Variants in CCDC85C observed in about 807,000 individuals in gnomAD.
CCDC85C encodes coiled-coil domain containing 85C, also known as coiled-coil domain-containing protein 85C.
A neutral mutation model predicts 38.3 loss-of-function variants in CCDC85C; 18 were observed. That is an observed-to-expected ratio of 0.47 (90% CI 0.33 to 0.70). The LOEUF (loss-of-function observed/expected upper bound fraction) is 0.70. Ranked by LOEUF, CCDC85C falls within the 30% of genes least tolerant of loss-of-function variation. The pLI is 0.03. For missense variants in CCDC85C, 566 were observed against 621.2 expected (o/e 0.91, Z 0.94); for synonymous variants, 264 against 293.8 (o/e 0.90, Z 1.04).
chr14:99,585,726 G>T (rs969109204), intron 1 of CCDC85C, among the ~76,000 whole-genome samples: 1 of 152,174 alleles, frequency 6.6e-6, no homozygotes, highest in South Asian at 2.1e-4. Flanking sequence ...CACGACTAGC[G>T]TTCAGATGCA....
chr14:99,534,519 A>G, intron 2 of CCDC85C: 1 of 640,838 alleles, frequency 1.6e-6, no homozygotes, highest in East Asian at 2.7e-5. Flanking sequence ...CCACCAGAGC[A>G]TGGTCCTGGC....
intron 3 of CCDC85C, among the ~76,000 whole-genome samples, chr14:99,517,695 G>A (rs1897248527): frequency 6.6e-6 from 1 of 152,178 alleles, no homozygotes; most frequent in Non-Finnish European, 1.5e-5. Flanking sequence ...CAGCCCTGCG[G>A]GATGAATTGG....
intron 1 of CCDC85C, among the ~76,000 whole-genome samples, chr14:99,589,912 C>T (rs1325365622): frequency 4.6e-5 from 7 of 152,238 alleles, no homozygotes; most frequent in African/African-American, 9.6e-5. Flanking sequence ...ACGCCCACGG[C>T]GCATTTGCTG....
Position 99,514,294 on chromosome 14 carries a change from A to G in CCDC85C, c.*952T>C, listed in dbSNP as rs1055554706. ...GCCAGACACGCTCCTTCCCAAAAAG[A>G]ACAGAACTCTCATCTGCAGCCTACA... is the stretch of plus-strand genomic sequence containing the variant. On this transcript the variant is annotated 3_prime_UTR_variant, in exon 6 of 6. Transcript: ENST00000380243. 4 of 152,528 alleles carry G rather than the reference A, an allele frequency of 2.6e-5. No homozygotes were observed. Among genetic ancestry groups the G allele is most frequent in the Non-Finnish European group, 5.9e-5 (4 of 68,278 alleles). 9.4% of individuals were successfully genotyped at this position (152,528 alleles called of 1,614,324 possible).
intron 1 of CCDC85C, among the ~76,000 whole-genome samples, chr14:99,594,361 T>C (rs2055120811): frequency 6.6e-6 from 1 of 152,212 alleles, no homozygotes; most frequent in Non-Finnish European, 1.5e-5. Flanking sequence ...AGGCAGGTAC[T>C]TCCACTGGGG....
intron 3 of CCDC85C, among the ~76,000 whole-genome samples, chr14:99,517,755 T>C (rs1897249361): frequency 6.6e-6 from 1 of 152,270 alleles, no homozygotes; most frequent in East Asian, 1.9e-4. Context: ...GGACCCAGCC[T>C]CTGTCAGAAG....
intron 1 of CCDC85C, among the ~76,000 whole-genome samples, chr14:99,554,119 C>T (rs139215713): frequency 2.0e-5 from 3 of 152,280 alleles, no homozygotes; most frequent in East Asian, 1.9e-4. Context: ...CTGAACTCTC[C>T]GGAGCCACCC....
In CCDC85C at chr14:99,603,614, C is replaced by T. The variant is rs1388386103; in HGVS notation, c.346G>A (p.Val116Met). ...QRFGRHAAGAVWHEVARSQQK... is the reference protein window; with the variant it reads ...QRFGRHAAGAMWHEVARSQQK... Reference sequence around the variant, plus strand: ...TGCGAGCGGGCCACCTCGTGCCACACGGCGCCGGCCGCGTGGCGCCCGAAG... The same window carrying T: ...TGCGAGCGGGCCACCTCGTGCCACATGGCGCCGGCCGCGTGGCGCCCGAAG... The change falls in exon 1 of 6, where the codon GTG becomes ATG. Residue 116 changes from valine (V) to methionine (M), a missense_variant. Val to Met is a conservative substitution (Grantham distance 21). Coordinates refer to ENST00000380243, the MANE Select transcript of CCDC85C (RefSeq NM_001144995.2). This position sits in a 1 kb window ranked among gnomAD's most constrained non-coding sequence, Gnocchi z 7.5. The T allele has an allele frequency of 7.6e-6, 11 of 1,456,496 alleles. No individual in the cohort carries two copies. The highest frequency in any genetic ancestry group is 9.9e-6 in the Non-Finnish European group (11 of 1,107,044). The allele number at this position is 1,456,496 out of a possible 1,614,324, so 90.2% of individuals were successfully genotyped here.
chr14:99,603,295 T>C lies in CCDC85C; in HGVS notation c.665A>G (p.His222Arg). Residue 222 changes from histidine (H) to arginine (R), a missense_variant, in exon 1 of 6, where the codon CAC becomes CGC. Around this residue, in one of 3 missense-constraint regions of CCDC85C, gnomAD observed 286 missense variants for 276.4 expected, o/e 1.03. Coordinates refer to ENST00000380243, the MANE Select transcript of CCDC85C (RefSeq NM_001144995.2). The surrounding 1 kb of genome is among the most constrained non-coding windows in gnomAD (Gnocchi z 7.5). ...GGGGGGCAGCAGCGGGGGTGGGACG[T>C]GGTGGTGGTGGTCGGGGCTGCCGCC... ...GSGGSPDHHH[H>R]VPPPLLPPGP... is the part of the protein sequence containing the mutation. 3 of 1,360,938 alleles carry C rather than the reference T, an allele frequency of 2.2e-6. No homozygotes were observed. The highest frequency in any genetic ancestry group is 1.5e-5 in the African/African-American group (1 of 65,734). 84.3% of individuals were successfully genotyped at this position (1,360,938 alleles called of 1,614,324 possible).
intron 2 of CCDC85C, 86 bp from the exon 3 acceptor site, chr14:99,522,326 G>A: frequency 9.6e-7 from 1 of 1,046,710 alleles, no homozygotes; most frequent in Non-Finnish European, 1.4e-6. Context: ...ACGGCAGCAG[G>A]GGCTGCTCAA....
At chr14:99,573,503 C>A (rs185659031) in intron 1 of CCDC85C, among the ~76,000 whole-genome samples, 4 of 152,242 alleles carry the variant, frequency 2.6e-5, no homozygotes, top group African/African-American at 4.8e-5. Flanking sequence ...GCTCCTCCCC[C>A]ACCCTGGGCC....
intron 1 of CCDC85C, among the ~76,000 whole-genome samples, chr14:99,601,547 CT>C (rs2055198460): frequency 6.6e-6 from 1 of 152,190 alleles, no homozygotes; most frequent in Admixed American, 6.5e-5. Flanking sequence ...AAACATTTCA[CT>C]TTCCAGCCAC....
At chr14:99,565,620 G>A (rs934083154) in intron 1 of CCDC85C, among the ~76,000 whole-genome samples, 6 of 152,200 alleles carry the variant, frequency 3.9e-5, no homozygotes, top group Admixed American at 3.9e-4. Flanking sequence ...CTGGGAGCGG[G>A]GGCAGGCTGC....
chr14:99,602,169 C>G (rs958311661), intron 1 of CCDC85C, among the ~76,000 whole-genome samples: 1 of 152,230 alleles, frequency 6.6e-6, no homozygotes, highest in Non-Finnish European at 1.5e-5. Context: ...CGTGGAAGAA[C>G]AGGGAGGCCC....
intron 1 of CCDC85C, among the ~76,000 whole-genome samples, chr14:99,573,421 T>C (rs1252429806): frequency 6.6e-6 from 1 of 152,184 alleles, no homozygotes; most frequent in East Asian, 1.9e-4. Context: ...TAGTCTTAAA[T>C]GGAAGCAGGG....
intron 1 of CCDC85C, among the ~76,000 whole-genome samples, chr14:99,591,058 G>C (rs2055080250): frequency 6.6e-6 from 1 of 152,230 alleles, no homozygotes; most frequent in African/African-American, 2.4e-5. Context: ...GGACAGGAGG[G>C]GAGGATGCTC....
At position 99,533,914 on chromosome 14, in the gene CCDC85C, G is replaced by C. The variant is rs894919662; in HGVS notation, c.867+2101C>G. 2.0e-5 allele frequency among the ~76,000 whole-genome samples: 3 copies of C among 152,370 alleles called. No individual in the cohort carries two copies. The highest frequency in any genetic ancestry group is 6.5e-5 in the Admixed American group (1 of 15,312). ...CAGCCCGCTTGGGCGCAGGTTTTCT[G>C]CAAGTCCGTGGTCAGGAACTGGGGT... On this transcript the variant is annotated intron_variant, in intron 2 of 5. Transcript: ENST00000380243. This position sits in a 1 kb window ranked among gnomAD's most constrained non-coding sequence, Gnocchi z 4.2.
chr14:99,523,572 A>AAAT (rs1897330968), intron 2 of CCDC85C, among the ~76,000 whole-genome samples: 1 of 152,130 alleles, frequency 6.6e-6, no homozygotes, highest in Non-Finnish European at 1.5e-5. Flanking sequence ...TCCCCTCATT[A>AAAT]AATAGCCCAC....
chr14:99,510,056 C>T lies in CCDC85C; in HGVS notation c.*5190G>A. The T allele has an allele frequency of 8.2e-7, 1 of 1,215,194 alleles. No individual in the cohort carries two copies. Among genetic ancestry groups the T allele is most frequent in the Non-Finnish European group, 1.1e-6 (1 of 889,884 alleles). 75.3% of individuals were successfully genotyped at this position (1,215,194 alleles called of 1,614,324 possible). A position where few individuals can be genotyped will look rare whatever the true frequency, so the allele number is the denominator to read the frequency against. ...GGGCCACAGAGGAGGCGGGCAGCTG[C>T]TCCCTGCTCCTCTGTAAAGATGGCC... is the stretch of plus-strand genomic sequence containing the variant. On this transcript the variant is annotated 3_prime_UTR_variant, in exon 6 of 6. Transcript: ENST00000380243.
Sources: gnomAD v4.1 joint callset for allele counts (sites outside exome capture counted in the v4.1 genomes callset) on GRCh38, gnomAD v4.1.1 for gene constraint, gnomAD v4.1.1 regional missense constraint, Gnocchi (gnomAD v3.1) non-coding constraint, MANE v1.5 for transcripts, NCBI Gene and HGNC (gene_info 2026-07-23, HGNC 2026-07-21) for gene names.